ADGRB3: variants seen among roughly 807,000 people sequenced by gnomAD.
ADGRB3 encodes the protein brain-specific angiogenesis inhibitor 3.
ADGRB3 carries 37 observed loss-of-function variants against 193.4 expected under a neutral mutation model. The observed-to-expected ratio is 0.19, with a 90% CI of 0.15 to 0.25. The LOEUF (loss-of-function observed/expected upper bound fraction) is 0.25. Ranked by LOEUF, ADGRB3 falls within the 10% of genes least tolerant of loss-of-function variation. The pLI is 1.00. For synonymous variants in ADGRB3, 690 were observed against 644.2 expected (o/e 1.07, Z -1.08); for missense variants, 1,637 against 1,852.9 (o/e 0.88, Z 2.14).
intron 13 of ADGRB3, among the ~76,000 whole-genome samples, chr6:69,020,923 A>G (rs1318697983): frequency 6.6e-6 from 1 of 151,958 alleles, no homozygotes; most frequent in Non-Finnish European, 1.5e-5. Context: ...ATGTTATCCA[A>G]TTTGATACTA....
chr6:68,837,318 A>G (rs1768065023), intron 3 of ADGRB3, among the ~76,000 whole-genome samples: 1 of 152,234 alleles, frequency 6.6e-6, no homozygotes, highest in Non-Finnish European at 1.5e-5. Flanking sequence ...AACAATTTGT[A>G]CTATCAATAT....
chr6:68,824,411 A>G (rs1018842245), intron 3 of ADGRB3, among the ~76,000 whole-genome samples: 29 of 150,230 alleles, frequency 1.9e-4, no homozygotes, highest in South Asian at 1.0e-3. Context: ...ATAAATATAT[A>G]ATGTATTTAG....
chr6:68,856,751 GC>G (rs1328699700), intron 3 of ADGRB3, among the ~76,000 whole-genome samples: 5 of 152,198 alleles, frequency 3.3e-5, no homozygotes, highest in Admixed American at 3.3e-4. Context: ...GCAGAAATTA[GC>G]ATAAGTAATG....
chr6:68,685,530 T>C (rs1475406065), intron 3 of ADGRB3, among the ~76,000 whole-genome samples: 1 of 152,026 alleles, frequency 6.6e-6, no homozygotes, highest in Non-Finnish European at 1.5e-5. Context: ...TTCTGTGTTA[T>C]TGTGCTGACT....
At position 68,837,960 on chromosome 6, in the gene ADGRB3, T is replaced by C. The variant is rs78449215; in HGVS notation, c.758-92599T>C. On this transcript the variant is annotated intron_variant, in intron 3 of 31. Coordinates refer to ENST00000370598, the MANE Select transcript of ADGRB3 (RefSeq NM_001704.3). ...AAAGTTAACTTCCAAGGCATTCTGA[T>C]AGTTATGCCTTGATTCTGGATCTTG... Among the ~76,000 whole-genome samples, 814 of 152,286 alleles carry C rather than the reference T, an allele frequency of 5.3e-3. 8 individuals are homozygous for C. The highest frequency in any genetic ancestry group is 0.018 in the African/African-American group (766 of 41,564).
intron 17 of ADGRB3, among the ~76,000 whole-genome samples, chr6:69,122,616 CAGATAAGTTAA>C (rs1773743998): frequency 1.3e-5 from 2 of 151,854 alleles, no homozygotes; most frequent in South Asian, 4.2e-4. Context: ...TAGAAGTCTG[CAGATAAGTTAA>C]AAATAAAGTT....
At chr6:69,249,772 AT>A (rs993599282) in intron 20 of ADGRB3, among the ~76,000 whole-genome samples, 4 of 152,210 alleles carry the variant, frequency 2.6e-5, no homozygotes, top group Non-Finnish European at 5.9e-5. Flanking sequence ...ATAAAAAAAA[AT>A]AAGCAGATTA....
intron 3 of ADGRB3, among the ~76,000 whole-genome samples, chr6:68,668,256 A>G (rs886210824): frequency 1.3e-5 from 2 of 152,004 alleles, no homozygotes; most frequent in African/African-American, 4.8e-5. Flanking sequence ...TGGCAGAAAA[A>G]ACATCTCTCT....
At chr6:69,228,960 C>T (rs956057795) in intron 17 of ADGRB3, among the ~76,000 whole-genome samples, 5 of 152,134 alleles carry the variant, frequency 3.3e-5, no homozygotes, top group Non-Finnish European at 7.4e-5. Context: ...ACACTAAAAT[C>T]ATCTGAAGGA....
intron 3 of ADGRB3, among the ~76,000 whole-genome samples, chr6:68,747,021 G>C (rs547197896): frequency 6.6e-6 from 1 of 152,144 alleles, no homozygotes; most frequent in Non-Finnish European, 1.5e-5. Context: ...AGTAGTGAAG[G>C]CTTACACAGA....
intron 17 of ADGRB3, among the ~76,000 whole-genome samples, chr6:69,210,162 A>G (rs896091727): frequency 7.9e-6 from 1 of 125,958 alleles, no homozygotes; most frequent in African/African-American, 3.2e-5. Flanking sequence ...ATATATATAT[A>G]TATATATAAA....
At chr6:68,786,557 C>G (rs954704157) in intron 3 of ADGRB3, among the ~76,000 whole-genome samples, 89 of 152,220 alleles carry the variant, frequency 5.8e-4, no homozygotes, top group Admixed American at 3.7e-3. Context: ...GTTACTGTAG[C>G]CTTGTAGTAT....
Position 68,849,981 on chromosome 6 carries a change from TAAA to T in ADGRB3, c.758-80576_758-80574del, listed in dbSNP as rs571699923. On this transcript the variant is annotated intron_variant, in intron 3 of 31. Coordinates refer to ENST00000370598, the MANE Select transcript of ADGRB3 (RefSeq NM_001704.3). ...ATTTTAACTTTATTGGATTCCTGTT[TAAA>T]ATATGTGTGATATTTTACACATATT... Among the ~76,000 whole-genome samples the T allele has an allele frequency of 6.6e-3, 1,002 of 152,092 alleles. 5 individuals are homozygous for T. Among genetic ancestry groups the T allele is most frequent in the Non-Finnish European group, 9.2e-3 (626 of 67,844 alleles).
intron 3 of ADGRB3, among the ~76,000 whole-genome samples, chr6:68,710,052 GGTC>G (rs1765384240): frequency 6.6e-6 from 1 of 152,162 alleles, no homozygotes; most frequent in Non-Finnish European, 1.5e-5. Flanking sequence ...AGTAATCTGA[GGTC>G]CTGGAGCTAG....
intron 3 of ADGRB3, among the ~76,000 whole-genome samples, chr6:68,670,847 G>A (rs892980612): frequency 1.3e-5 from 2 of 151,976 alleles, no homozygotes; most frequent in Non-Finnish European, 1.5e-5. Flanking sequence ...ATTGCTTTGA[G>A]TAGTATGGAC....
At chr6:68,816,068 C>T (rs537065935) in intron 3 of ADGRB3, among the ~76,000 whole-genome samples, 15 of 151,862 alleles carry the variant, frequency 9.9e-5, no homozygotes, top group East Asian at 5.8e-4. Flanking sequence ...AAATTAAATA[C>T]AGTGGACAAA....
chr6:68,841,316 C>A (rs999631199), intron 3 of ADGRB3, among the ~76,000 whole-genome samples: 17 of 152,088 alleles, frequency 1.1e-4, no homozygotes, highest in African/African-American at 4.1e-4. Flanking sequence ...TTCCTCAGCA[C>A]ATGGATTATT....
chr6:69,055,970 A>G (rs1771534976), intron 15 of ADGRB3, among the ~76,000 whole-genome samples: 1 of 152,096 alleles, frequency 6.6e-6, no homozygotes, highest in African/African-American at 2.4e-5. Context: ...AGCAGAGATT[A>G]CAGATGTGTA....
At chr6:68,696,671 T>C (rs1045354496) in intron 3 of ADGRB3, among the ~76,000 whole-genome samples, 1 of 151,972 alleles carries the variant, frequency 6.6e-6, no homozygotes, top group Non-Finnish European at 1.5e-5. Flanking sequence ...TACCAGTAAT[T>C]AAATGTCAGT....
Sources: gnomAD v4.1 joint callset for allele counts (sites outside exome capture counted in the v4.1 genomes callset) on GRCh38, gnomAD v4.1.1 for gene constraint, MANE v1.5 for transcripts, NCBI Gene and HGNC (gene_info 2026-07-23, HGNC 2026-07-21) for gene names.